Variants in POMT2 observed in about 807,000 individuals in gnomAD.
The protein encoded by POMT2 is protein O-mannosyltransferase 2, also known as protein O-mannosyl-transferase 2.
Under a neutral mutation model 100.0 loss-of-function variants are expected in POMT2, and 75 were observed. The ratio of observed to expected loss-of-function variants is 0.75; its 90% CI spans 0.62 to 0.91. The LOEUF (loss-of-function observed/expected upper bound fraction) is 0.91. Among genes scored for constraint, POMT2 ranks in the 40% least tolerant of loss-of-function variants. POMT2 has a pLI of 0.00. For missense variants in POMT2, 940 were observed against 955.1 expected (o/e 0.98, Z 0.21); for synonymous variants, 378 against 374.1 (o/e 1.01, Z -0.12).
chr14:77,299,601 A>C (rs768652101), intron 6 of POMT2, 40 bp from the exon 7 acceptor site: 5 of 1,449,952 alleles, frequency 3.4e-6, no homozygotes, highest in Non-Finnish European at 4.9e-6. Flanking sequence ...GGCATGTGAG[A>C]CCTCATTATT....
intron 2 of POMT2, among the ~76,000 whole-genome samples, chr14:77,309,046 A>G (rs1388821578): frequency 6.6e-6 from 1 of 152,240 alleles, no homozygotes; most frequent in East Asian, 1.9e-4. Flanking sequence ...GAAAGAAGAT[A>G]TATCATGTTT....
At chr14:77,291,826 A>G (rs1478194457) in intron 9 of POMT2, among the ~76,000 whole-genome samples, 2 of 152,078 alleles carry the variant, frequency 1.3e-5, no homozygotes, top group Non-Finnish European at 2.9e-5. Flanking sequence ...TGAGGTCAGG[A>G]GTTTGAGATC....
intron 16 of POMT2, 54 bp from the exon 17 acceptor site, chr14:77,280,134 C>T: frequency 6.2e-7 from 1 of 1,612,934 alleles, no homozygotes; most frequent in South Asian, 1.1e-5. Context: ...CTCGGCCACA[C>T]CCATTAGGGG....
intron 12 of POMT2, 102 bp downstream of exon 12, chr14:77,286,642 C>G: frequency 6.5e-7 from 1 of 1,543,634 alleles, no homozygotes; most frequent in Non-Finnish European, 8.9e-7. Context: ...CTCTTATCCT[C>G]AGGAACATTC....
Position 77,278,459 on chromosome 14 carries a change from T to A in POMT2, c.2082A>T (p.Ser694=), listed in dbSNP as rs1293109605. The part of the protein sequence containing the change: ...LLRLCAWGLA[S]WPLARGIHVA... ...CATGTATGCCCCTCGCCAGGGGCCATGAGGCCAAGCCCCAGGCACAGAGCC... is the reference window on the plus strand; with the variant it reads ...CATGTATGCCCCTCGCCAGGGGCCAAGAGGCCAAGCCCCAGGCACAGAGCC... The change falls in exon 20 of 21, where the codon TCA becomes TCT. Residue 694 remains serine (S), a synonymous_variant. Transcript: ENST00000261534. 1 of 1,507,180 alleles carries A rather than the reference T, an allele frequency of 6.6e-7. No homozygotes were observed. The highest frequency in any genetic ancestry group is 1.2e-5 in the South Asian group (1 of 83,332). 93.4% of individuals were successfully genotyped at this position (1,507,180 alleles called of 1,614,324 possible).
intron 19 of POMT2, 55 bp downstream of exon 19, chr14:77,278,674 C>CTGGG: frequency 6.2e-7 from 1 of 1,609,172 alleles, no homozygotes; most frequent in African/African-American, 1.3e-5. Flanking sequence ...TGCTGCCCAA[C>CTGGG]AGTGGCCCGC....
At chr14:77,313,035 TA>T (rs1274343323) in intron 1 of POMT2, among the ~76,000 whole-genome samples, 1 of 152,264 alleles carries the variant, frequency 6.6e-6, no homozygotes, top group East Asian at 1.9e-4. Context: ...AGTCCTCTTT[TA>T]TACAACCACA....
At chr14:77,298,073 C>A (rs756912666) in intron 8 of POMT2, among the ~76,000 whole-genome samples, 2 of 152,230 alleles carry the variant, frequency 1.3e-5, no homozygotes, top group Non-Finnish European at 2.9e-5. Context: ...ACTCTGTCCT[C>A]AGCTTTGATC....
chr14:77,301,686 G>A (rs1225961838), intron 5 of POMT2, among the ~76,000 whole-genome samples: 2 of 152,124 alleles, frequency 1.3e-5, no homozygotes, highest in African/African-American at 2.4e-5. Flanking sequence ...TTCCAAGTAC[G>A]ATGCATATAT....
intron 5 of POMT2, among the ~76,000 whole-genome samples, chr14:77,301,521 G>C (rs1891042651): frequency 6.6e-6 from 1 of 152,214 alleles, no homozygotes; most frequent in Admixed American, 6.5e-5. Flanking sequence ...CTCAGGGTAA[G>C]TGGGGGCTCC....
At chr14:77,297,944 C>T (rs72681235) in intron 8 of POMT2, among the ~76,000 whole-genome samples, 2,992 of 152,304 alleles carry the variant, frequency 0.02, 48 homozygotes, top group Middle Eastern at 0.071. Flanking sequence ...TCTCCACGGC[C>T]TGTTTTAGGA....
rs1359971151 is a variant in POMT2 at position 77,301,258 on chromosome 14, C to G, written c.657-9G>C. Reference sequence around the variant, plus strand: ...AGGGGGCAGAGAAGGGCCTGAAAATCAACAAGACGGAGTTCAATTTGGCAG... The same window carrying G: ...AGGGGGCAGAGAAGGGCCTGAAAATGAACAAGACGGAGTTCAATTTGGCAG... On this transcript the variant is annotated splice_polypyrimidine_tract_variant and intron_variant, in intron 5 of 20. Transcript: ENST00000261534. 1.9e-6 allele frequency: 3 copies of G among 1,614,056 alleles called. No homozygotes were observed. Among genetic ancestry groups the G allele is most frequent in the East Asian group, 2.2e-5 (1 of 44,872 alleles).
intron 11 of POMT2, among the ~76,000 whole-genome samples, chr14:77,288,413 G>A (rs926104738): frequency 6.6e-6 from 1 of 152,174 alleles, no homozygotes; most frequent in East Asian, 1.9e-4. Context: ...GCTCATGCCT[G>A]TAATAGCAAC....
rs1891844587 is a variant in POMT2, at chr14:77,320,546, C to T, written c.136G>A (p.Ala46Thr). ...GCCTCGAAGCGCCGTGAGCCCCAAG[C>T]AGGCCGTTTGGGGCTTCGCGCCACA... ...EAVARSPKRP[A>T]WGSRRFEAVG... The change falls in exon 1 of 21, where the codon GCT becomes ACT. Residue 46 changes from alanine to threonine, a missense_variant. Transcript: ENST00000261534. 1.3e-6 allele frequency: 2 copies of T among 1,564,918 alleles called. No homozygotes were observed. Among genetic ancestry groups the T allele is most frequent in the South Asian group, 2.3e-5 (2 of 86,808 alleles).
Position 77,291,327 on chromosome 14 carries a change from A to G in POMT2, c.1170T>C (p.His390=). ...DYNNLWIIKK[H]NTNSDPLDPS... ...TGACCACATTACCTGAGTTTGTGTT[A>G]TGTTTCTTGATAATCCACAGGTTGT... Residue 390 remains histidine, a synonymous_variant, in exon 10 of 21, where the codon CAT becomes CAC. Transcript: ENST00000261534. 6.3e-7 allele frequency: 1 copy of G among 1,595,234 alleles called. No homozygotes were observed. The highest frequency in any genetic ancestry group is 2.3e-5 in the East Asian group (1 of 43,872).
chr14:77,318,505 C>T (rs964223367), intron 1 of POMT2, among the ~76,000 whole-genome samples: 3 of 152,104 alleles, frequency 2.0e-5, no homozygotes, highest in African/African-American at 4.8e-5. Context: ...ACATGCTTCT[C>T]CTGAGATCCT....
intron 1 of POMT2, chr14:77,319,366 G>C (rs1355799002): frequency 6.6e-6 from 1 of 152,248 alleles, no homozygotes; most frequent in East Asian, 1.9e-4. Context: ...AGCCAGGGGA[G>C]TTGTATATTC....
chr14:77,278,887 A>G lies in POMT2; in HGVS notation c.1892-18T>C, dbSNP rs780096376. 2.5e-6 allele frequency: 4 copies of G among 1,611,600 alleles called. No homozygotes were observed. In the African/African-American group the frequency reaches 5.3e-5, roughly 22 times the overall value. On this transcript the variant is annotated intron_variant, in intron 18 of 20. Coordinates refer to ENST00000261534, the MANE Select transcript of POMT2 (RefSeq NM_013382.7). ...GGACAACCCTGGGCCCAAGCAGCAC[A>G]GCCCAGTCAGAAGACAAGGAGCGGG...
Position 77,316,619 on chromosome 14 carries a change from T to G in POMT2, c.248+3815A>C, listed in dbSNP as rs1457058193. Among the ~76,000 whole-genome samples the G allele has an allele frequency of 4.1e-5, 6 of 145,924 alleles. No homozygotes were observed. The South Asian group carries it at 1.1e-3, about 27-fold the overall frequency. On this transcript the variant is annotated intron_variant, in intron 1 of 20. Coordinates refer to ENST00000261534, the MANE Select transcript of POMT2 (RefSeq NM_013382.7). The stretch of plus-strand genomic sequence containing the variant: ...TATAGCTAGCCTGGCCCTAGAGGCA[T>G]CTTGGTTTTACGTGAAGAAGTGGCA...
Sources: gnomAD v4.1 joint callset for allele counts (sites outside exome capture counted in the v4.1 genomes callset) on GRCh38, gnomAD v4.1.1 for gene constraint, MANE v1.5 for transcripts, NCBI Gene and HGNC (gene_info 2026-07-23, HGNC 2026-07-21) for gene names.